The following HS6ST3 variants were observed in gnomAD, a reference collection of about 807,000 sequenced individuals.
HS6ST3 encodes the protein heparan sulfate 6-O-sulfotransferase 3.
A neutral mutation model predicts 36.7 loss-of-function variants in HS6ST3; 12 were observed. The observed-to-expected ratio is 0.33, with a 90% CI of 0.21 to 0.53. The LOEUF (loss-of-function observed/expected upper bound fraction) is 0.53. Ranked by LOEUF, HS6ST3 falls within the 20% of genes least tolerant of loss-of-function variation. The pLI is 0.95. For synonymous variants in HS6ST3, 240 were observed against 257.5 expected, an observed-to-expected ratio of 0.93 and a Z score of 0.65; for missense variants, 584 against 640.9, an observed-to-expected ratio of 0.91 and a Z score of 0.96.
chr13:96,350,989 T>G (rs1196011333), intron 1 of HS6ST3, among the ~76,000 whole-genome samples: 1 of 152,192 alleles, frequency 6.6e-6, no homozygotes, highest in Non-Finnish European at 1.5e-5. Context: ...TGGGAAGACT[T>G]TTTTCCCTAA....
intron 1 of HS6ST3, among the ~76,000 whole-genome samples, chr13:96,807,517 T>C (rs1304657157): frequency 6.6e-6 from 1 of 152,010 alleles, no homozygotes; most frequent in Non-Finnish European, 1.5e-5. Context: ...ATTGGGAAGA[T>C]GCAACTACAA....
intron 1 of HS6ST3, among the ~76,000 whole-genome samples, chr13:96,508,835 A>AT (rs1228260403): frequency 1.3e-5 from 2 of 152,148 alleles, no homozygotes; most frequent in Non-Finnish European, 2.9e-5. Flanking sequence ...TGCTATAAAC[A>AT]TACGTGTGCA....
At chr13:96,294,052 G>A (rs150847218) in intron 1 of HS6ST3, among the ~76,000 whole-genome samples, 8 of 152,034 alleles carry the variant, frequency 5.3e-5, no homozygotes, top group Non-Finnish European at 1.2e-4. Flanking sequence ...ATGACATTAC[G>A]TTTCTTGGGT....
chr13:96,596,887 G>A (rs542089682), intron 1 of HS6ST3, among the ~76,000 whole-genome samples: 13 of 152,156 alleles, frequency 8.5e-5, no homozygotes, highest in South Asian at 4.2e-4. Context: ...ACTTGCATAC[G>A]TTCATTGCAG....
At chr13:96,331,238 TGGA>T (rs745587686) in intron 1 of HS6ST3, among the ~76,000 whole-genome samples, 148 of 152,240 alleles carry the variant, frequency 9.7e-4, no homozygotes, top group Non-Finnish European at 1.5e-3. Context: ...TGCGTTCCTT[TGGA>T]GGAGGAGAGG....
At chr13:96,205,813 T>A (rs2054367316) in intron 1 of HS6ST3, among the ~76,000 whole-genome samples, 1 of 152,082 alleles carries the variant, frequency 6.6e-6, no homozygotes, top group Admixed American at 6.5e-5. Flanking sequence ...AGAACATACC[T>A]CAAAATATTA....
intron 1 of HS6ST3, among the ~76,000 whole-genome samples, chr13:96,711,568 TG>T (rs1566435869): frequency 6.6e-6 from 1 of 152,228 alleles, no homozygotes; most frequent in African/African-American, 2.4e-5. Context: ...CTTTTACTTT[TG>T]TCACTTCCTG....
At chr13:96,474,600 GT>G (rs11285929) in intron 1 of HS6ST3, among the ~76,000 whole-genome samples, 37,497 of 151,950 alleles carry the variant, frequency 0.25, 5,000 homozygotes, top group East Asian at 0.42. Flanking sequence ...AGTAATAAGA[GT>G]TTAATGTAAT....
At chr13:96,261,967 T>G (rs2054668685) in intron 1 of HS6ST3, among the ~76,000 whole-genome samples, 1 of 152,184 alleles carries the variant, frequency 6.6e-6, no homozygotes, top group South Asian at 2.1e-4. Context: ...ATCAACCGCT[T>G]TTGTAGAGGT....
chr13:96,802,431 A>T (rs956282946), intron 1 of HS6ST3, among the ~76,000 whole-genome samples: 3 of 152,156 alleles, frequency 2.0e-5, no homozygotes, highest in African/African-American at 7.2e-5. Context: ...ACAAAAACTC[A>T]CTTTGTGAGG....
In HS6ST3 at chr13:96,491,215, A is replaced by G. The variant is rs552322001; in HGVS notation, c.708-341275A>G. Among the ~76,000 whole-genome samples the G allele has an allele frequency of 3.9e-5, 6 of 152,154 alleles. No individual in the cohort carries two copies. The South Asian group carries it at 1.2e-3, about 32-fold the overall frequency. On this transcript the variant is annotated intron_variant, in intron 1 of 1. Transcript: ENST00000376705. ...TCATTATTTTTTGCTAACCAAACACATTTTGAAATGCATTAAAAAAAGACA... is the reference window on the plus strand; with the variant it reads ...TCATTATTTTTTGCTAACCAAACACGTTTTGAAATGCATTAAAAAAAGACA...
chr13:96,323,875 A>G (rs1038322131), intron 1 of HS6ST3, among the ~76,000 whole-genome samples: 1 of 152,184 alleles, frequency 6.6e-6, no homozygotes, highest in African/African-American at 2.4e-5. Flanking sequence ...ATTTTTGTCC[A>G]TTTCGTTCAG....
chr13:96,422,493 G>A lies in HS6ST3; in HGVS notation c.707+330924G>A, dbSNP rs923991228. On this transcript the variant is annotated intron_variant, in intron 1 of 1. Transcript: ENST00000376705. ...ATATGTATCACAACAGACTGGGCAG[G>A]GTGTTCAACAGTTAAGAATGATGTC... Among the ~76,000 whole-genome samples, 3 of 152,152 alleles carry A rather than the reference G, an allele frequency of 2.0e-5. No homozygotes were observed. In the South Asian group the frequency reaches 6.2e-4, roughly 32 times the overall value.
intron 1 of HS6ST3, among the ~76,000 whole-genome samples, chr13:96,498,531 C>T: frequency 6.6e-6 from 1 of 152,146 alleles, no homozygotes; most frequent in East Asian, 1.9e-4. Flanking sequence ...CCATAGTGAC[C>T]ACTCAGCTCT....
intron 1 of HS6ST3, among the ~76,000 whole-genome samples, chr13:96,205,922 C>G (rs1239625936): frequency 2.6e-5 from 4 of 152,262 alleles, no homozygotes; most frequent in East Asian, 1.9e-4. Context: ...GATACCCTCT[C>G]TCACCAGTCC....
At chr13:96,425,543 G>A (rs945274607) in intron 1 of HS6ST3, among the ~76,000 whole-genome samples, 7 of 151,950 alleles carry the variant, frequency 4.6e-5, no homozygotes, top group Non-Finnish European at 1.0e-4. Context: ...TTTCTTATTT[G>A]TAAAAAAATG....
At chr13:96,136,680 A>AAT (rs1240533313) in intron 1 of HS6ST3, among the ~76,000 whole-genome samples, 1 of 67,024 alleles carries the variant, frequency 1.5e-5, no homozygotes, top group East Asian at 4.3e-4. Flanking sequence ...GATGTTATGA[A>AAT]ACATATATAT....
chr13:96,804,853 G>A (rs1255388390), intron 1 of HS6ST3, among the ~76,000 whole-genome samples: 1 of 152,162 alleles, frequency 6.6e-6, no homozygotes, highest in Non-Finnish European at 1.5e-5. Context: ...AATTGTTCCT[G>A]CTTTGCTACT....
chr13:96,605,486 A>G (rs1044616235), intron 1 of HS6ST3, among the ~76,000 whole-genome samples: 4 of 152,122 alleles, frequency 2.6e-5, no homozygotes, highest in Admixed American at 2.0e-4. Flanking sequence ...AAACTATTAC[A>G]TACTTATATG....
Sources: gnomAD v4.1 joint callset for allele counts (sites outside exome capture counted in the v4.1 genomes callset) on GRCh38, gnomAD v4.1.1 for gene constraint, MANE v1.5 for transcripts, NCBI Gene and HGNC (gene_info 2026-07-23, HGNC 2026-07-21) for gene names.